JAKMIP1: variants seen among roughly 807,000 people sequenced by gnomAD.
JAKMIP1 encodes the protein janus kinase and microtubule-interacting protein 1.
Under a neutral mutation model 113.0 loss-of-function variants are expected in JAKMIP1, and 33 were observed. That is an observed-to-expected ratio of 0.29 (90% confidence interval 0.22 to 0.39). The LOEUF is 0.39. JAKMIP1 is among the 10% of genes least tolerant of loss of function. The probability of loss-of-function intolerance (pLI) is 1.00; values close to 1 mark genes in which losing one functional copy is unlikely to be tolerated. For missense variants in JAKMIP1, 813 were observed against 1,080.5 expected (o/e 0.75, Z 3.47); for synonymous variants, 480 against 459.9 (o/e 1.04, Z -0.56).
chr4:6,170,952 C>T (rs747860005), intron 1 of JAKMIP1, among the ~76,000 whole-genome samples: 1 of 147,886 alleles, frequency 6.8e-6, no homozygotes, highest in Non-Finnish European at 1.5e-5. Context: ...ACCAGCATCC[C>T]CATCACCATA....
At chr4:6,041,803 G>C (rs1714347825) in intron 17 of JAKMIP1, among the ~76,000 whole-genome samples, 1 of 152,204 alleles carries the variant, frequency 6.6e-6, no homozygotes, top group South Asian at 2.1e-4. Flanking sequence ...TATCTGGGCT[G>C]TGTCTCTCCT....
intron 1 of JAKMIP1, among the ~76,000 whole-genome samples, chr4:6,195,638 G>A (rs1251794335): frequency 6.6e-6 from 1 of 152,082 alleles, no homozygotes; most frequent in Non-Finnish European, 1.5e-5. Flanking sequence ...TCCCTGCTCT[G>A]GAACATACTC....
In JAKMIP1 at chr4:6,044,272, T is replaced by C. The variant is rs1359340592; in HGVS notation, c.2029-2045A>G. Among the ~76,000 whole-genome samples, 1 of 152,148 alleles carries C rather than the reference T, an allele frequency of 6.6e-6. No homozygotes were observed. The highest frequency in any genetic ancestry group is 3.2e-3 in the Middle Eastern group (1 of 316). ...TTGCCTCCTGTTGGACTTCCTTGCC[T>C]GGCACAGGGCTTGACACAAGCAGGT... On this transcript the variant is annotated intron_variant, in intron 16 of 20. Transcript: ENST00000409021. This position sits in a 1 kb window ranked among gnomAD's most constrained non-coding sequence, Gnocchi z 4.4.
At chr4:6,107,964 G>C (rs533600949) in intron 2 of JAKMIP1, among the ~76,000 whole-genome samples, 67 of 152,264 alleles carry the variant, frequency 4.4e-4, no homozygotes, top group Non-Finnish European at 6.0e-4. Context: ...CTGCATCAGG[G>C]GTGGGCAGCC....
At position 6,197,923 on chromosome 4, in the gene JAKMIP1, G is replaced by C. The variant is rs1314431066; in HGVS notation, c.-148+2330C>G. Among the ~76,000 whole-genome samples the C allele has an allele frequency of 2.0e-5, 3 of 152,242 alleles. No individual in the cohort carries two copies. Among genetic ancestry groups the C allele is most frequent in the Non-Finnish European group, 4.4e-5 (3 of 68,046 alleles). On this transcript the variant is annotated intron_variant, in intron 1 of 20. Transcript: ENST00000409021. The surrounding 1 kb of genome is among the most constrained non-coding windows in gnomAD (Gnocchi z 6.5). Reference sequence around the variant, plus strand: ...CCCAATCCACCCTTACACACCAAGAGAGTGGGGCCACGGTCCTGCCACTTC... The same window carrying C: ...CCCAATCCACCCTTACACACCAAGACAGTGGGGCCACGGTCCTGCCACTTC...
Position 6,113,156 on chromosome 4 carries a change from G to A in JAKMIP1, c.-147-159C>T, listed in dbSNP as rs1034063104. Reference sequence around the variant, plus strand: ...TCCCGATGGGGGCTGCAGCAGAATCGCTTGGAGGTTGTTAAGGCGTGGAGT... The same window carrying A: ...TCCCGATGGGGGCTGCAGCAGAATCACTTGGAGGTTGTTAAGGCGTGGAGT... On this transcript the variant is annotated intron_variant, in intron 1 of 20. Coordinates refer to ENST00000409021, the MANE Select transcript of JAKMIP1 (RefSeq NM_001099433.2). 4.6e-5 allele frequency among the ~76,000 whole-genome samples: 7 copies of A among 152,212 alleles called. No individual in the cohort carries two copies. In the East Asian group the frequency reaches 5.8e-4, roughly 13 times the overall value.
chr4:6,036,908 T>A (rs1309494295), intron 18 of JAKMIP1, among the ~76,000 whole-genome samples: 1 of 152,102 alleles, frequency 6.6e-6, no homozygotes, highest in Non-Finnish European at 1.5e-5. Flanking sequence ...GAGGCAGAGG[T>A]TAACCATTAG....
At position 6,199,313 on chromosome 4, in the gene JAKMIP1, G is replaced by C. The variant is rs1468877231; in HGVS notation, c.-148+940C>G. Among the ~76,000 whole-genome samples, 1 of 152,222 alleles carries C rather than the reference G, an allele frequency of 6.6e-6. No homozygotes were observed. The highest frequency in any genetic ancestry group is 2.4e-5 in the African/African-American group (1 of 41,460). The stretch of plus-strand genomic sequence containing the variant: ...CCGGCGAGCTGGGGTGTGTGGGAGC[G>C]GGATGCTTCTAAGGCGAAAAGAAGC... On this transcript the variant is annotated intron_variant, in intron 1 of 20. Transcript: ENST00000409021. The surrounding 1 kb of genome is among the most constrained non-coding windows in gnomAD (Gnocchi z 5.6).
At chr4:6,102,016 C>T (rs181056181) in intron 3 of JAKMIP1, among the ~76,000 whole-genome samples, 5 of 152,004 alleles carry the variant, frequency 3.3e-5, no homozygotes, top group South Asian at 2.1e-4. Context: ...TCGATGAAAA[C>T]GATATCCCTT....
rs989778483 is a variant in JAKMIP1 at position 6,140,622 on chromosome 4, G to T, written c.-147-27625C>A. ...TCCCCACTGCTCCTGGAGGGGTGGA[G>T]AAATACATGATTTTGTTTATCTCCT... On this transcript the variant is annotated intron_variant, in intron 1 of 20. Transcript: ENST00000409021. This position sits in a 1 kb window ranked among gnomAD's most constrained non-coding sequence, Gnocchi z 9.4. 1.3e-5 allele frequency among the ~76,000 whole-genome samples: 2 copies of T among 152,146 alleles called. No homozygotes were observed. The highest frequency in any genetic ancestry group is 4.8e-5 in the African/African-American group (2 of 41,406).
Position 6,199,489 on chromosome 4 carries a change from G to T in JAKMIP1, c.-148+764C>A, listed in dbSNP as rs1348290150. ...GCGAGGCCGCTGGCCCCGACGCAGG[G>T]CGCCCGGCAAGGTGTCTGGCACCAC... On this transcript the variant is annotated intron_variant, in intron 1 of 20. Coordinates refer to ENST00000409021, the MANE Select transcript of JAKMIP1 (RefSeq NM_001099433.2). This position sits in a 1 kb window ranked among gnomAD's most constrained non-coding sequence, Gnocchi z 5.6. Among the ~76,000 whole-genome samples the T allele has an allele frequency of 6.6e-6, 1 of 152,178 alleles. No homozygotes were observed. The highest frequency in any genetic ancestry group is 2.4e-5 in the African/African-American group (1 of 41,456).
intron 8 of JAKMIP1, among the ~76,000 whole-genome samples, chr4:6,073,842 G>A (rs1719312459): frequency 6.6e-6 from 1 of 152,188 alleles, no homozygotes; most frequent in Non-Finnish European, 1.5e-5. Context: ...TTTCAACCAA[G>A]GTGTGTGCGT....
In JAKMIP1 at chr4:6,067,215, G is replaced by A. The variant is rs114244285; in HGVS notation, c.1303-2207C>T. 5.6e-3 allele frequency among the ~76,000 whole-genome samples: 848 copies of A among 152,286 alleles called. 6 individuals are homozygous for A. Among genetic ancestry groups the A allele is most frequent in the Non-Finnish European group, 9.0e-3 (613 of 68,032 alleles). On this transcript the variant is annotated intron_variant, in intron 8 of 20. Transcript: ENST00000409021. This position sits in a 1 kb window ranked among gnomAD's most constrained non-coding sequence, Gnocchi z 4.6. The stretch of plus-strand genomic sequence containing the variant: ...ATGAAGACAGGGGGTTGGCCCTTTT[G>A]TTCTCGACTGTATCCCAGTGTTAAT...
intron 8 of JAKMIP1, among the ~76,000 whole-genome samples, chr4:6,077,219 G>T (rs1383880751): frequency 6.6e-6 from 1 of 152,140 alleles, no homozygotes; most frequent in African/African-American, 2.4e-5. Flanking sequence ...GTTGGAGTAG[G>T]GTGGACTCCT....
Position 6,168,422 on chromosome 4 carries a change from T to C in JAKMIP1, c.-148+31831A>G, listed in dbSNP as rs550993333. Reference sequence around the variant, plus strand: ...ATCAGTTACAGATGGATAAACAAAATGTGGTCTATGATATTCCATAGAGCA... The same window carrying C: ...ATCAGTTACAGATGGATAAACAAAACGTGGTCTATGATATTCCATAGAGCA... On this transcript the variant is annotated intron_variant, in intron 1 of 20. Transcript: ENST00000409021. The surrounding 1 kb of genome is among the most constrained non-coding windows in gnomAD (Gnocchi z 4.6). Among the ~76,000 whole-genome samples the C allele has an allele frequency of 6.6e-6, 1 of 152,250 alleles. No individual in the cohort carries two copies. Among genetic ancestry groups the C allele is most frequent in the South Asian group, 2.1e-4 (1 of 4,822 alleles).
At chr4:6,110,368 G>C (rs564923806) in intron 2 of JAKMIP1, among the ~76,000 whole-genome samples, 1 of 152,028 alleles carries the variant, frequency 6.6e-6, no homozygotes, top group Non-Finnish European at 1.5e-5. Flanking sequence ...ACCTGGATCT[G>C]TGGCTGCCAG....
intron 2 of JAKMIP1, among the ~76,000 whole-genome samples, chr4:6,111,155 CA>C (rs1714870478): frequency 1.3e-5 from 2 of 152,194 alleles, no homozygotes; most frequent in South Asian, 4.1e-4. Context: ...GCCCCGTCCC[CA>C]CCTGGAAGCT....
chr4:6,041,111 T>A (rs151039318), intron 17 of JAKMIP1, among the ~76,000 whole-genome samples: 118 of 152,164 alleles, frequency 7.8e-4, no homozygotes, highest in Non-Finnish European at 1.5e-3. Context: ...CCTGCCTGAA[T>A]TGCATCACCC....
Position 6,081,718 on chromosome 4 carries a change from G to C in JAKMIP1, c.992C>G (p.Pro331Arg). ...RSRETEVQLKPLVEKNKRMNK... is the reference protein window; with the variant it reads ...RSRETEVQLKRLVEKNKRMNK... Reference sequence around the variant, plus strand: ...CATCCGCTTGTTCTTCTCCACCAGGGGCTTCAGCTGAACCTCGGTCTCTCG... The same window carrying C: ...CATCCGCTTGTTCTTCTCCACCAGGCGCTTCAGCTGAACCTCGGTCTCTCG... Residue 331 changes from proline to arginine, a missense_variant, in exon 6 of 21, where the codon CCC (proline) becomes CGC (arginine). Physicochemically the swap from Pro to Arg is moderately radical, Grantham distance 103. This residue lies in a region of JAKMIP1 where 540 missense variants were observed against 653.9 expected (regional missense o/e 0.83). Transcript: ENST00000409021. This position sits in a 1 kb window ranked among gnomAD's most constrained non-coding sequence, Gnocchi z 4.6. 2 of 1,614,112 alleles carry C rather than the reference G, an allele frequency of 1.2e-6. No individual in the cohort carries two copies. Among genetic ancestry groups the C allele is most frequent in the Non-Finnish European group, 1.7e-6 (2 of 1,180,024 alleles).
Sources: gnomAD v4.1 joint callset for allele counts (sites outside exome capture counted in the v4.1 genomes callset) on GRCh38, gnomAD v4.1.1 for gene constraint, gnomAD v4.1.1 regional missense constraint, Gnocchi (gnomAD v3.1) non-coding constraint, MANE v1.5 for transcripts, NCBI Gene and HGNC (gene_info 2026-07-23, HGNC 2026-07-21) for gene names.